Variants in SPPL3 observed in about 807,000 individuals in gnomAD.
The protein encoded by SPPL3 is signal peptide peptidase like 3, also known as signal peptide peptidase-like 3.
A neutral mutation model predicts 42.4 loss-of-function variants in SPPL3; 5 were observed. The ratio of observed to expected loss-of-function variants is 0.12; its 90% CI spans 0.06 to 0.25. The LOEUF (loss-of-function observed/expected upper bound fraction) is 0.25. SPPL3 is among the 10% of genes least tolerant of loss of function. SPPL3 has a pLI of 1.00. For synonymous variants in SPPL3, 195 were observed against 181.8 expected, an observed-to-expected ratio of 1.07 and a Z score of -0.58; for missense variants, 235 against 489.0, an observed-to-expected ratio of 0.48 and a Z score of 4.90.
Position 120,784,505 on chromosome 12 carries a change from T to C in SPPL3, c.279A>G (p.Ser93=). 1 of 1,612,518 alleles carries C rather than the reference T, an allele frequency of 6.2e-7. No individual in the cohort carries two copies. The highest frequency in any genetic ancestry group is 1.1e-5 in the South Asian group (1 of 90,898). ...SLLVMFFFFD[S]VQVVFTICTA... The stretch of plus-strand genomic sequence containing the variant: ...TACATATTGTAAAAACTACTTGAAC[T>C]GAGTCAAAGAAGAAGAACATTACTA... The change falls in exon 4 of 11, where the codon TCA becomes TCG. Residue 93 remains serine (S), a synonymous_variant. Coordinates refer to ENST00000353487, the MANE Select transcript of SPPL3 (RefSeq NM_139015.5).
intron 1 of SPPL3, among the ~76,000 whole-genome samples, chr12:120,892,982 G>C (rs11065316): frequency 0.34 from 25,431 of 75,596 alleles, 3,875 homozygotes; most frequent in East Asian, 0.57. Context: ...ACTCTGTCTC[G>C]GGAAAAAAAA....
intron 6 of SPPL3, among the ~76,000 whole-genome samples, chr12:120,776,739 T>G (rs1869335228): frequency 6.6e-6 from 1 of 152,186 alleles, no homozygotes; most frequent in African/African-American, 2.4e-5. Flanking sequence ...TTTTAAACCC[T>G]CAGCAAAACA....
chr12:120,853,232 A>C (rs1316074626), intron 1 of SPPL3, among the ~76,000 whole-genome samples: 1 of 152,144 alleles, frequency 6.6e-6, no homozygotes, highest in East Asian at 1.9e-4. Flanking sequence ...TTATCTGCTC[A>C]TCCACTTTTT....
chr12:120,896,354 C>G (rs1873801312), intron 1 of SPPL3, among the ~76,000 whole-genome samples: 1 of 152,136 alleles, frequency 6.6e-6, no homozygotes, highest in Non-Finnish European at 1.5e-5. Flanking sequence ...TTGGGACTAA[C>G]TAGATTTTTC....
chr12:120,890,585 T>C lies in SPPL3; in HGVS notation c.23+13260A>G, dbSNP rs558439633. ...GCCTGGGCGACAGAGCCAGACTCCGTCTCAAAAAAAAAAAAAAAAAAAAAA... is the reference window on the plus strand; with the variant it reads ...GCCTGGGCGACAGAGCCAGACTCCGCCTCAAAAAAAAAAAAAAAAAAAAAA... On this transcript the variant is annotated intron_variant, in intron 1 of 10. Coordinates refer to ENST00000353487, the MANE Select transcript of SPPL3 (RefSeq NM_139015.5). 1.9e-3 allele frequency among the ~76,000 whole-genome samples: 155 copies of C among 83,344 alleles called. 1 individual carries two copies. Among genetic ancestry groups the C allele is most frequent in the African/African-American group, 7.9e-3 (151 of 19,032 alleles). The allele number at this position is 83,344 out of a possible 152,430, so 54.7% of individuals were successfully genotyped here.
chr12:120,773,486 G>A (rs1304159058), intron 6 of SPPL3, among the ~76,000 whole-genome samples: 1 of 152,168 alleles, frequency 6.6e-6, no homozygotes, highest in African/African-American at 2.4e-5. Flanking sequence ...TGCGGGGAGT[G>A]AGGGTCAGAG....
intron 9 of SPPL3, among the ~76,000 whole-genome samples, chr12:120,767,106 A>G (rs376319062): frequency 6.6e-6 from 1 of 152,366 alleles, no homozygotes; most frequent in South Asian, 2.1e-4. Flanking sequence ...TCAACTCTAG[A>G]GGAAGATTTA....
chr12:120,870,648 T>TAA (rs200038225), intron 1 of SPPL3, among the ~76,000 whole-genome samples: 1 of 148,774 alleles, frequency 6.7e-6, no homozygotes, highest in South Asian at 2.1e-4. Context: ...TACTCAGCTT[T>TAA]AAAAAAAAAA....
chr12:120,867,872 C>T (rs924397256), intron 1 of SPPL3, among the ~76,000 whole-genome samples: 2 of 151,686 alleles, frequency 1.3e-5, no homozygotes, highest in Non-Finnish European at 2.9e-5. Context: ...CTCAGCCTCC[C>T]GAGTAGCTGG....
intron 1 of SPPL3, among the ~76,000 whole-genome samples, chr12:120,854,258 G>T (rs1872375162): frequency 6.6e-6 from 1 of 152,156 alleles, no homozygotes; most frequent in Admixed American, 6.5e-5. Context: ...TTACCATGAA[G>T]CACCTAAAAA....
intron 6 of SPPL3, among the ~76,000 whole-genome samples, chr12:120,780,501 C>T (rs1869489019): frequency 6.7e-6 from 1 of 149,458 alleles, no homozygotes; most frequent in African/African-American, 2.5e-5. Flanking sequence ...CATGCCTGTG[C>T]ACTTTGGGAG....
intron 1 of SPPL3, among the ~76,000 whole-genome samples, chr12:120,836,264 C>T (rs1393672330): frequency 3.3e-5 from 5 of 152,018 alleles, no homozygotes; most frequent in Non-Finnish European, 4.4e-5. Flanking sequence ...GCAGGCTGTG[C>T]CAGTTTTAGG....
Position 120,897,615 on chromosome 12 carries a change from T to C in SPPL3, c.23+6230A>G, listed in dbSNP as rs941151658. Among the ~76,000 whole-genome samples, 4 of 151,830 alleles carry C rather than the reference T, an allele frequency of 2.6e-5. No homozygotes were observed. The South Asian group carries it at 6.2e-4, about 24-fold the overall frequency. The stretch of plus-strand genomic sequence containing the variant: ...GCGGGTGCCTGTAGTCCCAGCTACT[T>C]GGGAGGCTGAGGCAGGAGAATGGCG... On this transcript the variant is annotated intron_variant, in intron 1 of 10. Transcript: ENST00000353487.
chr12:120,765,773 T>C (rs1226516167), intron 10 of SPPL3, among the ~76,000 whole-genome samples: 1 of 152,010 alleles, frequency 6.6e-6, no homozygotes, highest in African/African-American at 2.4e-5. Flanking sequence ...GGCAAGTAAG[T>C]TGACCTCTGT....
chr12:120,852,195 T>C (rs1186409017), intron 1 of SPPL3, among the ~76,000 whole-genome samples: 1 of 152,014 alleles, frequency 6.6e-6, no homozygotes, highest in Non-Finnish European at 1.5e-5. Context: ...GCAAAGTGCA[T>C]AGCTGAAGCT....
At chr12:120,875,967 A>AT (rs1276218946) in intron 1 of SPPL3, among the ~76,000 whole-genome samples, 1 of 152,094 alleles carries the variant, frequency 6.6e-6, no homozygotes, top group South Asian at 2.1e-4. Context: ...GGAACAAGGA[A>AT]TATTAGGAGG....
chr12:120,819,284 T>C (rs1241821355), intron 1 of SPPL3, among the ~76,000 whole-genome samples: 1 of 152,200 alleles, frequency 6.6e-6, no homozygotes, highest in Non-Finnish European at 1.5e-5. Flanking sequence ...TGTGTGAATC[T>C]TTTACCCATG....
intron 2 of SPPL3, 136 bp downstream of exon 2, chr12:120,810,673 G>A: frequency 1.5e-6 from 1 of 686,516 alleles, no homozygotes; most frequent in Non-Finnish European, 2.6e-6. Flanking sequence ...ACAAATAGCA[G>A]AACTCTCTAT....
chr12:120,884,032 C>T (rs563203616), intron 1 of SPPL3, among the ~76,000 whole-genome samples: 1 of 147,256 alleles, frequency 6.8e-6, no homozygotes, highest in African/African-American at 2.5e-5. Context: ...ACCCAGGAGG[C>T]GGAGGTTGTG....
Sources: gnomAD v4.1 joint callset for allele counts (sites outside exome capture counted in the v4.1 genomes callset) on GRCh38, gnomAD v4.1.1 for gene constraint, MANE v1.5 for transcripts, NCBI Gene and HGNC (gene_info 2026-07-23, HGNC 2026-07-21) for gene names.